The following AKAP13 variants were observed in gnomAD, a reference collection of about 807,000 sequenced individuals.
The protein encoded by AKAP13 is A-kinase anchor protein 13.
Under a neutral mutation model 264.5 loss-of-function variants are expected in AKAP13, and 80 were observed. That is an observed-to-expected ratio of 0.30 (90% CI 0.25 to 0.36). AKAP13 has a LOEUF of 0.36. Among genes scored for constraint, AKAP13 ranks in the 10% least tolerant of loss-of-function variants. The pLI, the probability that AKAP13 is intolerant of heterozygous loss-of-function variation, is 1.00. For synonymous variants in AKAP13, 1,380 were observed against 1,250.2 expected (o/e 1.10, Z -2.19); for missense variants, 3,712 against 3,435.2 (o/e 1.08, Z -2.01).
intron 10 of AKAP13, among the ~76,000 whole-genome samples, chr15:85,654,422 T>G (rs901472550): frequency 6.6e-5 from 10 of 152,202 alleles, no homozygotes; most frequent in Admixed American, 3.3e-4. Flanking sequence ...ACCTAACACA[T>G]GATAAATTTT....
intron 14 of AKAP13, among the ~76,000 whole-genome samples, chr15:85,680,630 G>A (rs900858508): frequency 6.6e-6 from 1 of 152,120 alleles, no homozygotes; most frequent in Non-Finnish European, 1.5e-5. Context: ...TTTGGGAAGC[G>A]GAGACAGGAG....
chr15:85,615,324 C>A, intron 8 of AKAP13, among the ~76,000 whole-genome samples: 1 of 152,058 alleles, frequency 6.6e-6, no homozygotes, highest in Non-Finnish European at 1.5e-5. Flanking sequence ...TCTCCTTTAC[C>A]CTTTTACTGT....
chr15:85,717,493 A>T, intron 21 of AKAP13, 91 bp downstream of exon 21: 1 of 865,612 alleles, frequency 1.2e-6, no homozygotes, highest in Non-Finnish European at 1.8e-6. Context: ...GAGTGACAGT[A>T]CCTGCCTCTT....
chr15:85,582,987 T>TAA (rs1478880130), intron 7 of AKAP13: 14 of 985,362 alleles, frequency 1.4e-5, no homozygotes, highest in Non-Finnish European at 1.7e-5. Context: ...TCCGTGGAAA[T>TAA]AAACTATCTG....
chr15:85,630,188 C>T (rs1567164431), intron 8 of AKAP13, among the ~76,000 whole-genome samples: 3 of 77,408 alleles, frequency 3.9e-5, no homozygotes, highest in South Asian at 4.1e-4. Context: ...CACACACACA[C>T]ACACACACAC....
chr15:85,517,061 T>A (rs960904837), intron 2 of AKAP13, among the ~76,000 whole-genome samples: 1 of 152,156 alleles, frequency 6.6e-6, no homozygotes, highest in Non-Finnish European at 1.5e-5. Context: ...TCCTGAAAAT[T>A]TAACAATGAG....
chr15:85,555,556 T>TGGC, intron 5 of AKAP13: 1 of 1,121,498 alleles, frequency 8.9e-7, no homozygotes, highest in East Asian at 5.8e-5. Flanking sequence ...ACATTTTCTC[T>TGGC]GGCTTTTTGC....
intron 17 of AKAP13, among the ~76,000 whole-genome samples, chr15:85,697,598 G>A (rs2085640338): frequency 6.6e-6 from 1 of 152,034 alleles, no homozygotes. Context: ...CTAAAAGGAT[G>A]AAACGAATAG....
chr15:85,672,329 A>G (rs2083976446), intron 14 of AKAP13, among the ~76,000 whole-genome samples: 1 of 152,248 alleles, frequency 6.6e-6, no homozygotes, highest in Non-Finnish European at 1.5e-5. Context: ...AGTTCCTCCT[A>G]TATACAATTA....
At chr15:85,408,679 A>C (rs2071795449) in intron 1 of AKAP13, among the ~76,000 whole-genome samples, 1 of 151,968 alleles carries the variant, frequency 6.6e-6, no homozygotes, top group Middle Eastern at 3.4e-3. Flanking sequence ...AGGCAGAATA[A>C]TATTCCATTG....
chr15:85,610,447 T>G (rs941459502), intron 8 of AKAP13, among the ~76,000 whole-genome samples: 1 of 152,244 alleles, frequency 6.6e-6, no homozygotes, highest in Non-Finnish European at 1.5e-5. Flanking sequence ...CAGGATCTCT[T>G]TGACACAATC....
At chr15:85,400,040 C>A (rs1018347528) in intron 1 of AKAP13, among the ~76,000 whole-genome samples, 2 of 152,178 alleles carry the variant, frequency 1.3e-5, no homozygotes, top group Admixed American at 1.3e-4. Flanking sequence ...CTCAAGTGAT[C>A]CTCCCACCTG....
chr15:85,586,927 CA>C (rs571250173), intron 8 of AKAP13, among the ~76,000 whole-genome samples: 40 of 73,850 alleles, frequency 5.4e-4, no homozygotes, highest in Admixed American at 1.4e-3. Context: ...GACACCTTCT[CA>C]AAAAAAAAAA....
intron 8 of AKAP13, among the ~76,000 whole-genome samples, chr15:85,600,911 A>G (rs1045450766): frequency 4.6e-5 from 7 of 152,216 alleles, no homozygotes; most frequent in African/African-American, 1.2e-4. Context: ...GAACATTTCC[A>G]CTGTAGAACC....
chr15:85,480,115 G>A (rs2075303746), intron 1 of AKAP13, among the ~76,000 whole-genome samples: 1 of 152,156 alleles, frequency 6.6e-6, no homozygotes, highest in Middle Eastern at 3.2e-3. Context: ...AGATTATTTA[G>A]GGATGAAAAT....
chr15:85,426,190 T>G (rs916064661), intron 1 of AKAP13, among the ~76,000 whole-genome samples: 26 of 152,360 alleles, frequency 1.7e-4, no homozygotes, highest in Non-Finnish European at 3.4e-4. Flanking sequence ...ATTGGTTTAG[T>G]CATTAATACT....
intron 1 of AKAP13, among the ~76,000 whole-genome samples, chr15:85,414,649 A>T (rs1443159702): frequency 1.3e-5 from 2 of 152,222 alleles, no homozygotes; most frequent in South Asian, 4.1e-4. Context: ...GGTAGACTAC[A>T]TGTTTTGTTA....
chr15:85,688,047 AAAGAG>A (rs1211481190), intron 16 of AKAP13, among the ~76,000 whole-genome samples: 29 of 150,760 alleles, frequency 1.9e-4, no homozygotes, highest in Admixed American at 6.6e-4. Flanking sequence ...AAAAAAAAAA[AAAGAG>A]AGAGAGAGGA....
Position 85,662,488 on chromosome 15 carries a change from G to A in AKAP13, c.4800-2075G>A, listed in dbSNP as rs1401624849. Reference sequence around the variant, plus strand: ...TGTTATGTGTCCCGCCACCAAATGGGGAACCATAAAATACGCCATCAGGGC... The same window carrying A: ...TGTTATGTGTCCCGCCACCAAATGGAGAACCATAAAATACGCCATCAGGGC... On this transcript the variant is annotated intron_variant, in intron 12 of 36. Coordinates refer to ENST00000394518, the MANE Select transcript of AKAP13 (RefSeq NM_007200.5). 33 of 1,613,210 alleles carry A rather than the reference G, an allele frequency of 2.0e-5. No homozygotes were observed. The East Asian group carries it at 7.1e-4, about 35-fold the overall frequency.
Sources: gnomAD v4.1 joint callset for allele counts (sites outside exome capture counted in the v4.1 genomes callset) on GRCh38, gnomAD v4.1.1 for gene constraint, MANE v1.5 for transcripts, NCBI Gene and HGNC (gene_info 2026-07-23, HGNC 2026-07-21) for gene names.